The following COL6A6 variants were observed in gnomAD, a reference collection of about 807,000 sequenced individuals.
COL6A6 encodes collagen type VI alpha 6 chain.
COL6A6 carries 183 observed loss-of-function variants against 208.6 expected under a neutral mutation model. The ratio of observed to expected loss-of-function variants is 0.88; its 90% confidence interval spans 0.78 to 0.99. The LOEUF (loss-of-function observed/expected upper bound fraction) is 0.99, where lower values mean the gene tolerates loss of function less well. Among genes scored for constraint, COL6A6 ranks in the 50% least tolerant of loss-of-function variants. COL6A6 has a pLI of 0.00. For missense variants in COL6A6, 2,816 were observed against 2,815.2 expected, an observed-to-expected ratio of 1.00 and a Z score of -0.01; for synonymous variants, 973 against 1,011.8, an observed-to-expected ratio of 0.96 and a Z score of 0.73.
chr3:130,578,617 A>G (rs2063348399), intron 8 of COL6A6, among the ~76,000 whole-genome samples: 1 of 152,200 alleles, frequency 6.6e-6, no homozygotes, highest in South Asian at 2.1e-4. Context: ...AATAAAAGAG[A>G]GGATTTACCT....
chr3:130,627,290 A>G (rs748956914), intron 25 of COL6A6, 29 bp from the exon 26 acceptor site: 9 of 1,604,566 alleles, frequency 5.6e-6, no homozygotes, highest in Non-Finnish European at 6.8e-6. Context: ...GTAGTCTGGG[A>G]TGTTGGTAAT....
At chr3:130,585,006 T>G (rs2063505546) in intron 10 of COL6A6, among the ~76,000 whole-genome samples, 1 of 152,218 alleles carries the variant, frequency 6.6e-6, no homozygotes, top group South Asian at 2.1e-4. Flanking sequence ...TTCTCTTGAT[T>G]TCTCTCTTCA....
chr3:130,553,852 TTTTGTTTTG>T (rs1297601599), intron 1 of COL6A6, among the ~76,000 whole-genome samples: 130 of 25,054 alleles, frequency 5.2e-3, no homozygotes, highest in Non-Finnish European at 0.049. Context: ...TTGTGTTTTT[TTTTGTTTTG>T]TTTTGTTTTG....
In COL6A6 at chr3:130,571,305, C is replaced by T. The variant is rs765626925; in HGVS notation, c.2889C>T (p.Ser963=). The change falls in exon 7 of 37, where the codon AGC becomes AGT. Residue 963 remains serine, a synonymous_variant. Transcript: ENST00000358511. ...PVELLAMAGS[S]DKYFFVETFG... ...AGCTGTTAGCCATGGCAGGATCAAG[C>T]GACAAGTACTTCTTCGTGGAGACTT... The T allele has an allele frequency of 4.9e-5, 79 of 1,613,838 alleles. No homozygotes were observed. The Middle Eastern group carries it at 1.5e-3, about 30-fold the overall frequency.
intron 3 of COL6A6, among the ~76,000 whole-genome samples, 195 bp downstream of exon 3, chr3:130,563,859 T>A (rs2062954261): frequency 6.6e-6 from 1 of 152,232 alleles, no homozygotes; most frequent in African/African-American, 2.4e-5. Context: ...TCTTGGTTTT[T>A]CATGTTTCAC....
chr3:130,557,382 G>A (rs566307492), intron 1 of COL6A6, among the ~76,000 whole-genome samples: 115 of 152,206 alleles, frequency 7.6e-4, no homozygotes, highest in African/African-American at 2.6e-3. Context: ...TGCCTATTGC[G>A]TGCCAAGGAT....
intron 20 of COL6A6, among the ~76,000 whole-genome samples, chr3:130,601,103 A>G (rs889611457): frequency 6.6e-6 from 1 of 152,214 alleles, no homozygotes; most frequent in Non-Finnish European, 1.5e-5. Flanking sequence ...AAATATACTT[A>G]GATGCCTACA....
intron 1 of COL6A6, among the ~76,000 whole-genome samples, chr3:130,523,369 T>C (rs1711191675): frequency 6.6e-6 from 1 of 152,180 alleles, no homozygotes; most frequent in African/African-American, 2.4e-5. Context: ...CTAAAAGCTC[T>C]ATTTCTTAGT....
intron 31 of COL6A6, 74 bp downstream of exon 31, chr3:130,643,097 G>A: frequency 6.7e-7 from 1 of 1,485,940 alleles, no homozygotes; most frequent in Non-Finnish European, 9.3e-7. Flanking sequence ...CCTACACTCA[G>A]AATTGAATTC....
At chr3:130,565,933 C>T (rs2063009982) in intron 4 of COL6A6, among the ~76,000 whole-genome samples, 1 of 152,150 alleles carries the variant, frequency 6.6e-6, no homozygotes, top group African/African-American at 2.4e-5. Context: ...TTGCCTCTCA[C>T]GTTCCCCTGC....
chr3:130,548,252 G>A lies in COL6A6; in HGVS notation c.-31-12082G>A, dbSNP rs541778043. ...CTGGATGCAATGTGCTGGGTAAAAG[G>A]AACTGCAGTCAATAGGCCTTTGGTA... is the stretch of plus-strand genomic sequence containing the variant. On this transcript the variant is annotated intron_variant, in intron 1 of 36. Transcript: ENST00000358511. Among the ~76,000 whole-genome samples the A allele has an allele frequency of 6.3e-3, 962 of 152,312 alleles. 7 individuals carry two copies. The highest frequency in any genetic ancestry group is 8.2e-3 in the Non-Finnish European group (559 of 68,032).
Position 130,574,306 on chromosome 3 carries a change from A to G in COL6A6, c.3328A>G (p.Thr1110Ala), listed in dbSNP as rs2063241715. Residue 1110 changes from threonine (T) to alanine (A), a missense_variant, in exon 8 of 37, where the codon ACA (threonine) becomes GCA (alanine). Thr to Ala is a moderately conservative substitution (Grantham distance 58, BLOSUM62 0). Coordinates refer to ENST00000358511, the MANE Select transcript of COL6A6 (RefSeq NM_001102608.3). ...TACCCCACAGGTGCTGCTGGTCCTT[A>G]CAGATGGCCAGTCCCAAGACGAGGT... ...TGTPQVLLVL[T>A]DGQSQDEVAQ... 1.9e-6 allele frequency: 3 copies of G among 1,614,008 alleles called. No individual in the cohort carries two copies. Among genetic ancestry groups the G allele is most frequent in the East Asian group, 2.2e-5 (1 of 44,872 alleles).
chr3:130,560,568 A>G, intron 2 of COL6A6, 140 bp downstream of exon 2: 2 of 653,144 alleles, frequency 3.1e-6, no homozygotes, highest in Non-Finnish European at 2.6e-6. Context: ...GGTAAGTCAA[A>G]TTCTTTGTAA....
chr3:130,585,222 A>C (rs3856728), intron 10 of COL6A6, among the ~76,000 whole-genome samples: 93,510 of 152,100 alleles, frequency 0.61, 33,110 homozygotes, highest in Non-Finnish European at 0.79. Flanking sequence ...TGATTTTAAG[A>C]CTGCCCTTTA....
intron 36 of COL6A6, among the ~76,000 whole-genome samples, chr3:130,668,302 C>T (rs1459477897): frequency 3.3e-5 from 5 of 151,992 alleles, no homozygotes; most frequent in African/African-American, 4.8e-5. Flanking sequence ...CATGGTGAAA[C>T]CTCATCTCTA....
At chr3:130,525,422 A>G (rs776775438) in intron 1 of COL6A6, among the ~76,000 whole-genome samples, 3 of 152,192 alleles carry the variant, frequency 2.0e-5, no homozygotes, top group Non-Finnish European at 4.4e-5. Flanking sequence ...AGGGACTTGG[A>G]TCTCTGTTAT....
At chr3:130,658,569 TAGA>T (rs2065857831) in intron 33 of COL6A6, 104 bp from the exon 34 acceptor site, 1 of 723,670 alleles carries the variant, frequency 1.4e-6, no homozygotes, top group Admixed American at 2.2e-5. Flanking sequence ...CGTACCTTCT[TAGA>T]AGGAGCAGTG....
rs1383569505 is a variant in COL6A6, at chr3:130,593,208, G to A, written c.4426G>A (p.Gly1476Ser). The A allele has an allele frequency of 2.5e-6, 4 of 1,612,924 alleles. No individual in the cohort carries two copies. The highest frequency in any genetic ancestry group is 1.3e-5 in the African/African-American group (1 of 74,894). ...DGLNGEQGDN[G>S]LPGRKGEKGD... ...CCTTCTTGTTTTTTAGGGTGATAAT[G>A]GTCTTCCTGGAAGAAAAGGAGAAAA... is the stretch of plus-strand genomic sequence containing the variant. The change falls in exon 17 of 37, where the codon GGT (glycine) becomes AGT (serine). Residue 1476 changes from glycine (G) to serine (S), a missense_variant. By Grantham distance (56) the Gly-to-Ser change is moderately conservative. Transcript: ENST00000358511.
chr3:130,658,634 C>T, intron 33 of COL6A6, 42 bp from the exon 34 acceptor site: 1 of 1,340,648 alleles, frequency 7.5e-7, no homozygotes, highest in Non-Finnish European at 1.1e-6. Flanking sequence ...GTTCTTGCAG[C>T]CCTACCCACT....
Sources: allele counts gnomAD v4.1 joint callset (sites outside exome capture counted in the v4.1 genomes callset), GRCh38; gene constraint gnomAD v4.1.1; transcripts MANE v1.5; gene names NCBI Gene and HGNC (gene_info 2026-07-23, HGNC 2026-07-21).